The following ARID1B variants were observed in gnomAD, a reference collection of about 807,000 sequenced individuals.
ARID1B encodes the protein AT-rich interaction domain 1B.
A neutral mutation model predicts 212.3 loss-of-function variants in ARID1B; 30 were observed. The ratio of observed to expected loss-of-function variants is 0.14; its 90% CI spans 0.11 to 0.19. The LOEUF (loss-of-function observed/expected upper bound fraction) is 0.19, where lower values mean the gene tolerates loss of function less well. Among genes scored for constraint, ARID1B ranks in the 10% least tolerant of loss-of-function variants. The pLI, the probability that ARID1B is intolerant of heterozygous loss-of-function variation, is 1.00. For missense variants in ARID1B, 2,891 were observed against 3,204.0 expected (o/e 0.90, Z 2.36); for synonymous variants, 1,402 against 1,301.7 (o/e 1.08, Z -1.66).
In ARID1B at chr6:156,964,102, G is replaced by A. The variant is rs116654662; in HGVS notation, c.2247+28526G>A. Among the ~76,000 whole-genome samples the A allele has an allele frequency of 3.3e-3, 509 of 152,310 alleles. 5 individuals carry two copies. Among genetic ancestry groups the A allele is most frequent in the African/African-American group, 0.012 (488 of 41,574 alleles). On this transcript the variant is annotated intron_variant, in intron 4 of 19. Coordinates refer to ENST00000636930, the MANE Select transcript of ARID1B (RefSeq NM_001374828.1). ...TTGGCCTGCAGTTGTGGGGGATGTT[G>A]TCCCCAGCCTTCCCCAAAGCCTGTC...
chr6:156,934,912 TTATATA>T (rs201495355), intron 3 of ARID1B, among the ~76,000 whole-genome samples: 1,151 of 51,902 alleles, frequency 0.022, 5 homozygotes, highest in Middle Eastern at 0.029. Context: ...TAGTTGTTAA[TTATATA>T]TATATATATA....
chr6:156,952,802 G>A (rs781422045), intron 4 of ARID1B, among the ~76,000 whole-genome samples: 2 of 152,216 alleles, frequency 1.3e-5, no homozygotes, highest in African/African-American at 2.4e-5. Context: ...ATTCATTCTT[G>A]TAAAACAATA....
intron 4 of ARID1B, among the ~76,000 whole-genome samples, chr6:157,046,893 G>T (rs968544411): frequency 6.6e-6 from 1 of 152,098 alleles, no homozygotes; most frequent in African/African-American, 2.4e-5. Flanking sequence ...CAATGAAAAA[G>T]GCTGAGGGAG....
chr6:156,897,191 ACTGCTGCTGCTGCTG>A (rs576037969), intron 2 of ARID1B, among the ~76,000 whole-genome samples: 101 of 112,084 alleles, frequency 9.0e-4, no homozygotes, highest in Middle Eastern at 4.4e-3. Context: ...TGCTGCTGCT[ACTGCTGCTGCTGCTG>A]CTGCTGCTGC....
At chr6:157,071,337 G>A (rs1255500471) in intron 4 of ARID1B, 1 of 152,130 alleles carries the variant, frequency 6.6e-6, no homozygotes, top group Non-Finnish European at 1.5e-5. Context: ...CACATCCTAA[G>A]AGCAAAAAGT....
chr6:156,935,894 G>GATACAGAA (rs1562495658), intron 4 of ARID1B: 2 of 281,292 alleles, frequency 7.1e-6, no homozygotes, highest in Non-Finnish European at 1.4e-5. Context: ...TTTTGGCAGC[G>GATACAGAA]ATACAGAACA....
intron 4 of ARID1B, among the ~76,000 whole-genome samples, chr6:157,010,849 A>G (rs188061092): frequency 7.9e-5 from 12 of 152,012 alleles, no homozygotes; most frequent in Admixed American, 5.2e-4. Flanking sequence ...CTACTTTCCT[A>G]TTTTTCCTTC....
At chr6:156,832,990 A>T (rs1358746824) in intron 2 of ARID1B, among the ~76,000 whole-genome samples, 1 of 152,194 alleles carries the variant, frequency 6.6e-6, no homozygotes, top group African/African-American at 2.4e-5. Flanking sequence ...GGCTAAACAG[A>T]TTAGTTTTGC....
chr6:156,805,456 T>C (rs1383503312), intron 1 of ARID1B, among the ~76,000 whole-genome samples: 2 of 152,080 alleles, frequency 1.3e-5, no homozygotes, highest in African/African-American at 2.4e-5. Flanking sequence ...GTTGTCCGAG[T>C]GTCAGCTTTT....
At chr6:156,882,556 C>T (rs1787182831) in intron 2 of ARID1B, among the ~76,000 whole-genome samples, 1 of 152,130 alleles carries the variant, frequency 6.6e-6, no homozygotes, top group African/African-American at 2.4e-5. Flanking sequence ...GGGTGCCTTG[C>T]CTTGCCTTTT....
At chr6:157,104,227 A>G (rs1372445333) in intron 5 of ARID1B, among the ~76,000 whole-genome samples, 1 of 152,216 alleles carries the variant, frequency 6.6e-6, no homozygotes, top group Non-Finnish European at 1.5e-5. Context: ...TATGATAAAA[A>G]CACTCAAGGA....
chr6:157,122,116 TA>T (rs1787764407), intron 6 of ARID1B, among the ~76,000 whole-genome samples: 1 of 152,198 alleles, frequency 6.6e-6, no homozygotes, highest in African/African-American at 2.4e-5. Context: ...GGCTTGTCAT[TA>T]GGCCAACTAG....
At position 157,201,256 on chromosome 6, in the gene ARID1B, C is replaced by G; in HGVS notation, c.5031C>G (p.Pro1677=). ...TGCCAAATCACATCTCCAGGGCGCCCAGCCCAGCGTCCTTCCAGCGCTCCC... is the reference window on the plus strand; with the variant it reads ...TGCCAAATCACATCTCCAGGGCGCCGAGCCCAGCGTCCTTCCAGCGCTCCC... ...PSLPNHISRA[P]SPASFQRSLE... is the part of the protein sequence containing the mutation. Residue 1677 remains proline, a synonymous_variant, in exon 18 of 20, where the codon CCC becomes CCG. Coordinates refer to ENST00000636930, the MANE Select transcript of ARID1B (RefSeq NM_001374828.1). The surrounding 1 kb of genome is among the most constrained non-coding windows in gnomAD (Gnocchi z 5.2). 1.2e-6 allele frequency: 2 copies of G among 1,614,098 alleles called. No individual in the cohort carries two copies. Among genetic ancestry groups the G allele is most frequent in the Non-Finnish European group, 1.7e-6 (2 of 1,179,994 alleles).
At position 157,206,474 on chromosome 6, in the gene ARID1B, C is replaced by A. The variant is rs767643077; in HGVS notation, c.5702C>A (p.Pro1901His). ...PDAAADPKEK[P>H]KQASKFDKLP... ...GCCGCTGCAGACCCAAAGGAGAAGC[C>A]CAAGCAAGCCAGTAAGTTCGACAAG... is the stretch of plus-strand genomic sequence containing the variant. The change falls in exon 20 of 20, where the codon CCC becomes CAC. Residue 1901 changes from proline to histidine, a missense_variant. By Grantham distance (77) the Pro-to-His change is moderately conservative. Around this residue, in one of 7 missense-constraint regions of ARID1B, gnomAD observed 332 missense variants for 369.2 expected, o/e 0.90. Coordinates refer to ENST00000636930, the MANE Select transcript of ARID1B (RefSeq NM_001374828.1). This position sits in a 1 kb window ranked among gnomAD's most constrained non-coding sequence, Gnocchi z 6.8. 1 of 1,613,982 alleles carries A rather than the reference C, an allele frequency of 6.2e-7. No homozygotes were observed. Among genetic ancestry groups the A allele is most frequent in the Non-Finnish European group, 8.5e-7 (1 of 1,180,026 alleles).
chr6:156,868,951 C>T (rs146653859), intron 2 of ARID1B, among the ~76,000 whole-genome samples: 7 of 151,972 alleles, frequency 4.6e-5, no homozygotes, highest in East Asian at 3.9e-4. Context: ...AGACCAAGTA[C>T]GAATAGGGTT....
At chr6:156,982,797 G>T (rs934305438) in intron 4 of ARID1B, among the ~76,000 whole-genome samples, 1 of 152,034 alleles carries the variant, frequency 6.6e-6, no homozygotes, top group African/African-American at 2.4e-5. Context: ...CAAGCAGCAT[G>T]TTATTATTTT....
intron 2 of ARID1B, among the ~76,000 whole-genome samples, chr6:156,862,821 C>G (rs1210277114): frequency 6.6e-6 from 1 of 152,198 alleles, no homozygotes; most frequent in Non-Finnish European, 1.5e-5. Context: ...AAAGTCATGT[C>G]TAGATCACTC....
intron 4 of ARID1B, among the ~76,000 whole-genome samples, chr6:157,051,627 G>A (rs1162259935): frequency 2.0e-5 from 3 of 152,144 alleles, no homozygotes; most frequent in Non-Finnish European, 4.4e-5. Flanking sequence ...TTGAATGCTA[G>A]ACTTCTTGTG....
At chr6:156,838,913 A>G (rs1284254931) in intron 2 of ARID1B, among the ~76,000 whole-genome samples, 2 of 151,802 alleles carry the variant, frequency 1.3e-5, no homozygotes, top group South Asian at 2.1e-4. Context: ...CTTTTTTTCA[A>G]TTAGTATATT....
Sources: gnomAD v4.1 joint callset for allele counts (sites outside exome capture counted in the v4.1 genomes callset) on GRCh38, gnomAD v4.1.1 for gene constraint, gnomAD v4.1.1 regional missense constraint, Gnocchi (gnomAD v3.1) non-coding constraint, MANE v1.5 for transcripts, NCBI Gene and HGNC (gene_info 2026-07-23, HGNC 2026-07-21) for gene names.